The following UNC5D variants were observed in gnomAD, a reference collection of about 807,000 sequenced individuals.
UNC5D encodes the protein netrin receptor UNC5D.
UNC5D carries 39 observed loss-of-function variants against 105.4 expected under a neutral mutation model. The ratio of observed to expected loss-of-function variants is 0.37; its 90% CI spans 0.29 to 0.48. The LOEUF is 0.48. Among genes scored for constraint, UNC5D ranks in the 20% least tolerant of loss-of-function variants. UNC5D has a pLI of 0.98. For missense variants in UNC5D, 991 were observed against 1,202.4 expected, an observed-to-expected ratio of 0.82 and a Z score of 2.60; for synonymous variants, 452 against 450.4, an observed-to-expected ratio of 1.00 and a Z score of -0.04.
intron 1 of UNC5D, among the ~76,000 whole-genome samples, chr8:35,332,662 C>A (rs1210105134): frequency 6.6e-6 from 1 of 152,162 alleles, no homozygotes; most frequent in Non-Finnish European, 1.5e-5. Context: ...AGACCAGTTA[C>A]ACTTATGACA....
chr8:35,257,067 G>A (rs1370449109), intron 1 of UNC5D, among the ~76,000 whole-genome samples: 1 of 151,446 alleles, frequency 6.6e-6, no homozygotes, highest in Non-Finnish European at 1.5e-5. Context: ...TGATTCCCTG[G>A]TTCAAGCAAT....
At chr8:35,284,274 A>G (rs537282440) in intron 1 of UNC5D, among the ~76,000 whole-genome samples, 1 of 152,336 alleles carries the variant, frequency 6.6e-6, no homozygotes, top group African/African-American at 2.4e-5. Context: ...TTTCTTTGAA[A>G]CATAGAGGTT....
chr8:35,507,999 G>C (rs1030673019), intron 1 of UNC5D, among the ~76,000 whole-genome samples: 3 of 152,164 alleles, frequency 2.0e-5, no homozygotes, highest in African/African-American at 7.2e-5. Context: ...CTGTGGTTTA[G>C]TTGGGACCAT....
chr8:35,392,822 A>C (rs1446262599), intron 1 of UNC5D, among the ~76,000 whole-genome samples: 3 of 152,176 alleles, frequency 2.0e-5, no homozygotes, highest in Non-Finnish European at 4.4e-5. Flanking sequence ...TGTTCATTGC[A>C]GCCTTTGGCC....
chr8:35,441,660 G>A (rs1399481468), intron 1 of UNC5D, among the ~76,000 whole-genome samples: 1 of 151,706 alleles, frequency 6.6e-6, no homozygotes, highest in Non-Finnish European at 1.5e-5. Flanking sequence ...CCTAACAATT[G>A]ACATCTCTTT....
At chr8:35,252,049 A>C (rs1413363378) in intron 1 of UNC5D, among the ~76,000 whole-genome samples, 5 of 114,350 alleles carry the variant, frequency 4.4e-5, no homozygotes, top group Non-Finnish European at 8.4e-5. Flanking sequence ...TTTGAGATGG[A>C]GTCTCACTGT....
chr8:35,396,969 C>T (rs1249607975), intron 1 of UNC5D, among the ~76,000 whole-genome samples: 4 of 152,032 alleles, frequency 2.6e-5, no homozygotes, highest in Admixed American at 6.5e-5. Flanking sequence ...GGCTATGGCA[C>T]GATCTTGGCT....
chr8:35,533,901 C>T (rs183835470), intron 1 of UNC5D, among the ~76,000 whole-genome samples: 8 of 152,206 alleles, frequency 5.3e-5, no homozygotes, highest in African/African-American at 1.7e-4. Context: ...CGCCATGCTT[C>T]GGCTTGCGCA....
chr8:35,466,994 A>C (rs1199828739), intron 1 of UNC5D, among the ~76,000 whole-genome samples: 1 of 152,174 alleles, frequency 6.6e-6, no homozygotes, highest in Non-Finnish European at 1.5e-5. Context: ...CTTGGAATAA[A>C]AATGATTAAA....
chr8:35,529,190 T>A (rs1483715805), intron 1 of UNC5D, among the ~76,000 whole-genome samples: 2 of 128,816 alleles, frequency 1.6e-5, no homozygotes, highest in Non-Finnish European at 3.1e-5. Context: ...AGGTCTAACG[T>A]TTAAGTCTTT....
chr8:35,526,565 T>C (rs1813892362), intron 1 of UNC5D, among the ~76,000 whole-genome samples: 1 of 152,072 alleles, frequency 6.6e-6, no homozygotes. Flanking sequence ...GAATTGTTTC[T>C]TTTTTTTCTT....
chr8:35,786,071 C>T (rs1802729435), intron 16 of UNC5D, among the ~76,000 whole-genome samples: 1 of 152,156 alleles, frequency 6.6e-6, no homozygotes, highest in Non-Finnish European at 1.5e-5. Flanking sequence ...GGTGCATGAG[C>T]TGTGTGGTTT....
chr8:35,541,818 C>G (rs1815298709), intron 1 of UNC5D, among the ~76,000 whole-genome samples: 1 of 151,994 alleles, frequency 6.6e-6, no homozygotes, highest in African/African-American at 2.4e-5. Flanking sequence ...AGAACATTGT[C>G]TAATCTTAGT....
chr8:35,478,036 T>G (rs1486872252), intron 1 of UNC5D, among the ~76,000 whole-genome samples: 1 of 152,156 alleles, frequency 6.6e-6, no homozygotes, highest in Non-Finnish European at 1.5e-5. Context: ...AATTTCATTT[T>G]AAGCAAAGAA....
intron 3 of UNC5D, among the ~76,000 whole-genome samples, chr8:35,570,406 G>T (rs1817637434): frequency 6.6e-6 from 1 of 152,132 alleles, no homozygotes; most frequent in African/African-American, 2.4e-5. Flanking sequence ...CATAGTTAAA[G>T]TTAAACTATA....
In UNC5D at chr8:35,294,940, G is replaced by C. The variant is rs117441238; in HGVS notation, c.103+59053G>C. Among the ~76,000 whole-genome samples the C allele has an allele frequency of 7.9e-3, 1,207 of 152,192 alleles. 6 individuals are homozygous for C. The highest frequency in any genetic ancestry group is 0.012 in the Non-Finnish European group (848 of 68,008). On this transcript the variant is annotated intron_variant, in intron 1 of 16. Transcript: ENST00000404895. ...TTGTACTAAACACAATGAAAAATAC[G>C]CAAGAACCATGGGAGGTCACTTTGT...
At chr8:35,431,775 C>T (rs1806654005) in intron 1 of UNC5D, among the ~76,000 whole-genome samples, 1 of 152,052 alleles carries the variant, frequency 6.6e-6, no homozygotes, top group Admixed American at 6.6e-5. Flanking sequence ...ACATAGTTTT[C>T]AGTCTATATT....
intron 1 of UNC5D, among the ~76,000 whole-genome samples, chr8:35,397,910 C>T (rs185211186): frequency 3.6e-4 from 55 of 152,298 alleles, no homozygotes; most frequent in Middle Eastern, 3.4e-3. Flanking sequence ...CAAAGCCCAG[C>T]GTCCAGATTA....
chr8:35,741,311 A>G (rs1057472399), intron 11 of UNC5D, among the ~76,000 whole-genome samples: 5 of 152,172 alleles, frequency 3.3e-5, no homozygotes, highest in African/African-American at 1.2e-4. Context: ...TCCAGTGTGT[A>G]TATAATTCCC....
Sources: allele counts gnomAD v4.1 joint callset (sites outside exome capture counted in the v4.1 genomes callset), GRCh38; gene constraint gnomAD v4.1.1; transcripts MANE v1.5; gene names NCBI Gene and HGNC (gene_info 2026-07-23, HGNC 2026-07-21).